The following PTMA variants were observed in gnomAD, a reference collection of about 807,000 sequenced individuals.
PTMA encodes gene sequence 28.
In PTMA, 4 loss-of-function variants were observed where a neutral mutation model predicts 16.9. The ratio of observed to expected loss-of-function variants is 0.24; its 90% CI spans 0.12 to 0.54. PTMA has a LOEUF of 0.54. Ranked by LOEUF, PTMA falls within the 20% of genes least tolerant of loss-of-function variation. The pLI is 0.95. For missense variants in PTMA, 120 were observed against 137.7 expected, an observed-to-expected ratio of 0.87 and a Z score of 0.64; for synonymous variants, 58 against 47.9, an observed-to-expected ratio of 1.21 and a Z score of -0.87.
rs937632347 is a variant in PTMA, at chr2:231,713,486, A to C, written c.*635A>C. ...TTTGGCCTGTTTGATGTATGTGTGAAACAATGTTGTCCAACAATAAACAGG... is the reference window on the plus strand; with the variant it reads ...TTTGGCCTGTTTGATGTATGTGTGACACAATGTTGTCCAACAATAAACAGG... On this transcript the variant is annotated 3_prime_UTR_variant, in exon 5 of 5. Coordinates refer to ENST00000409115, the MANE Select transcript of PTMA (RefSeq NM_002823.5). 2 of 417,834 alleles carry C rather than the reference A, an allele frequency of 4.8e-6. No homozygotes were observed. Among genetic ancestry groups the C allele is most frequent in the South Asian group, 3.8e-5 (2 of 52,070 alleles). The allele number at this position is 417,834 out of a possible 1,614,324, so 25.9% of individuals were successfully genotyped here.
At chr2:231,708,780 G>T (rs778082619) in intron 1 of PTMA, 29 bp downstream of exon 1, 1 of 1,597,494 alleles carries the variant, frequency 6.3e-7, no homozygotes, top group Non-Finnish European at 8.5e-7. Context: ...CGCCCCCTCG[G>T]GGTCCGCGCG....
intron 1 of PTMA, chr2:231,710,238 C>G: frequency 7.5e-7 from 1 of 1,336,822 alleles, no homozygotes; most frequent in Non-Finnish European, 9.7e-7. Flanking sequence ...AGAGCCCGGC[C>G]GACCGACGCG....
intron 3 of PTMA, among the ~76,000 whole-genome samples, 194 bp downstream of exon 3, chr2:231,712,177 ACACT>A (rs3038043): frequency 1.4e-3 from 218 of 152,292 alleles, no homozygotes; most frequent in Middle Eastern, 0.014. Flanking sequence ...ATGCCCACTC[ACACT>A]CACTCGCACA....
intron 2 of PTMA, 150 bp downstream of exon 2, chr2:231,711,569 G>T (rs2048519217): frequency 2.5e-6 from 2 of 789,092 alleles, no homozygotes; most frequent in South Asian, 3.5e-5. Context: ...CTTTACCCGA[G>T]GCGCGATTAT....
chr2:231,712,385 T>TC (rs930804139), intron 3 of PTMA, 58 bp from the exon 4 acceptor site: 305 of 1,554,272 alleles, frequency 2.0e-4, no homozygotes, highest in Non-Finnish European at 2.5e-4. Flanking sequence ...CCTCGGGATT[T>TC]CCCCAGGAGC....
In PTMA at chr2:231,712,883, A is replaced by G; in HGVS notation, c.*32A>G. 6.5e-7 allele frequency: 1 copy of G among 1,539,648 alleles called. No homozygotes were observed. Among genetic ancestry groups the G allele is most frequent in the Non-Finnish European group, 8.7e-7 (1 of 1,144,262 alleles). On this transcript the variant is annotated 3_prime_UTR_variant, in exon 5 of 5. Coordinates refer to ENST00000409115, the MANE Select transcript of PTMA (RefSeq NM_002823.5). ...AAAAAGGAAAAGTTAAACTAAAAAAAAAAAGGCCGCCGTGACCTATTCACC... is the reference window on the plus strand; with the variant it reads ...AAAAAGGAAAAGTTAAACTAAAAAAGAAAAGGCCGCCGTGACCTATTCACC...
rs202209669 is a variant in PTMA, at chr2:231,712,816, G to C, written c.298G>C (p.Asp100His). The C allele has an allele frequency of 1.3e-6, 2 of 1,592,688 alleles. No homozygotes were observed. Residue 100 changes from aspartate (D) to histidine (H), a missense_variant, in exon 5 of 5, where the codon GAT (aspartate) becomes CAT (histidine). Transcript: ENST00000409115. ...AAEDDEDDDV[D>H]TKKQKTDEDD Reference sequence around the variant, plus strand: ...TTTCTCTGCTTAGGATGACGATGTCGATACCAAGAAGCAGAAGACCGACGA... The same window carrying C: ...TTTCTCTGCTTAGGATGACGATGTCCATACCAAGAAGCAGAAGACCGACGA...
intron 3 of PTMA, 108 bp from the exon 4 acceptor site, chr2:231,712,335 A>T: frequency 1.7e-6 from 2 of 1,190,056 alleles, no homozygotes; most frequent in Non-Finnish European, 2.4e-6. Flanking sequence ...AGTTGCAGGC[A>T]GTAGAGGCAG....
At chr2:231,709,915 A>C (rs1420853456) in intron 1 of PTMA, 1 of 435,744 alleles carries the variant, frequency 2.3e-6, no homozygotes, top group Admixed American at 4.8e-5. Flanking sequence ...CCCAGGGGCG[A>C]CTTCTTGGCA....
At chr2:231,709,209 C>A (rs1387006347) in intron 1 of PTMA, among the ~76,000 whole-genome samples, 1 of 152,194 alleles carries the variant, frequency 6.6e-6, no homozygotes. Flanking sequence ...GCCGGCCGCG[C>A]TGCTCTTTGT....
intron 2 of PTMA, 107 bp downstream of exon 2, chr2:231,711,526 G>C: frequency 9.7e-7 from 1 of 1,032,034 alleles, no homozygotes; most frequent in Non-Finnish European, 1.5e-6. Context: ...TATATGTATA[G>C]CTTTGCACAG....
intron 1 of PTMA, among the ~76,000 whole-genome samples, chr2:231,710,879 C>A (rs1052881831): frequency 3.9e-5 from 6 of 152,358 alleles, no homozygotes; most frequent in Admixed American, 3.9e-4. Flanking sequence ...GGCTGGCGCG[C>A]CTGTGGGGCT....
At chr2:231,708,775 CCTCGGGGTCCGCGCGCCGCCG>C in intron 1 of PTMA, 24 bp downstream of exon 1, 1 of 1,598,816 alleles carries the variant, frequency 6.3e-7, no homozygotes, top group Non-Finnish European at 8.5e-7. Context: ...CCGCCCGCCC[CCTCGGGGTCCGCGCGCCGCCG>C]CTCGGGCGGT....
Position 231,710,773 on chromosome 2 carries a change from C to T in PTMA, c.46-575C>T, listed in dbSNP as rs187059871. 2.7e-3 allele frequency: 875 copies of T among 328,730 alleles called. 8 individuals are homozygous for T. The highest frequency in any genetic ancestry group is 0.019 in the African/African-American group (800 of 42,710). 20.4% of individuals were successfully genotyped at this position (328,730 alleles called of 1,614,324 possible). The stretch of plus-strand genomic sequence containing the variant: ...GGCACCGCCAAGCAGCGGTTTGCGG[C>T]CTCTAGGAACAGCGGTCGGATTTGG... On this transcript the variant is annotated intron_variant, in intron 1 of 4. Transcript: ENST00000409115.
In PTMA at chr2:231,712,269, TCTCTC is replaced by T. The variant is rs1018942330; in HGVS notation, c.212-169_212-165del. 1.1e-4 allele frequency among the ~76,000 whole-genome samples: 16 copies of T among 152,306 alleles called. No homozygotes were observed. The South Asian group carries it at 1.2e-3, about 12-fold the overall frequency. On this transcript the variant is annotated intron_variant, in intron 3 of 4. Transcript: ENST00000409115. ...CTTTTGGGGTGCAGCTGCTTGGGCC[TCTCTC>T]CTCTGGAGAGTCCCACCTGTGTAGT...
rs1424616659 is a variant in PTMA at position 231,712,827 on chromosome 2, G to A, written c.309G>A (p.Lys103=). Residue 103 remains lysine (K), a synonymous_variant, in exon 5 of 5, where the codon AAG becomes AAA. Coordinates refer to ENST00000409115, the MANE Select transcript of PTMA (RefSeq NM_002823.5). ...DDEDDDVDTK[K]QKTDEDD ...AGGATGACGATGTCGATACCAAGAA[G>A]CAGAAGACCGACGAGGATGACTAGA... 1.9e-6 allele frequency: 3 copies of A among 1,589,256 alleles called. No individual in the cohort carries two copies. The highest frequency in any genetic ancestry group is 2.6e-6 in the Non-Finnish European group (3 of 1,168,276).
At position 231,711,883 on chromosome 2, in the gene PTMA, C is replaced by T. The variant is rs1344722903; in HGVS notation, c.118-7C>T. 3.0e-5 allele frequency: 48 copies of T among 1,612,134 alleles called. No individual in the cohort carries two copies. The highest frequency in any genetic ancestry group is 4.1e-5 in the Non-Finnish European group (48 of 1,179,584). On this transcript the variant is annotated splice_polypyrimidine_tract_variant and splice_region_variant and intron_variant, in intron 2 of 4. Transcript: ENST00000409115. Reference sequence around the variant, plus strand: ...GGTAATGACATGGCCTGTTTTCTGTCGAGGAGAATGAGGAAAATGGGGAGC... The same window carrying T: ...GGTAATGACATGGCCTGTTTTCTGTTGAGGAGAATGAGGAAAATGGGGAGC...
chr2:231,712,003 T>A lies in PTMA; in HGVS notation c.211+20T>A. 1 of 1,554,982 alleles carries A rather than the reference T, an allele frequency of 6.4e-7. No individual in the cohort carries two copies. The highest frequency in any genetic ancestry group is 8.7e-7 in the Non-Finnish European group (1 of 1,148,824). ...GTGATGGTGAGTAGCCTTGTCTATC[T>A]TCCCCTTTTCAGGTACTTTTTCCTG... On this transcript the variant is annotated intron_variant, in intron 3 of 4. Transcript: ENST00000409115.
intron 1 of PTMA, 177 bp from the exon 2 acceptor site, chr2:231,711,171 T>G (rs2048513722): frequency 5.4e-6 from 3 of 553,866 alleles, no homozygotes; most frequent in Non-Finnish European, 9.7e-6. Flanking sequence ...CCCGCCGGCC[T>G]TCCTTCCACC....
Sources: gnomAD v4.1 joint callset for allele counts (sites outside exome capture counted in the v4.1 genomes callset) on GRCh38, gnomAD v4.1.1 for gene constraint, MANE v1.5 for transcripts, NCBI Gene and HGNC (gene_info 2026-07-23, HGNC 2026-07-21) for gene names.